Variants in DDX60L observed in about 807,000 individuals in gnomAD.
The protein encoded by DDX60L is probable ATP-dependent RNA helicase DDX60-like.
DDX60L carries 191 observed loss-of-function variants against 211.6 expected under a neutral mutation model. The ratio of observed to expected loss-of-function variants is 0.90; its 90% CI spans 0.80 to 1.02. DDX60L has a LOEUF of 1.02. Among genes scored for constraint, DDX60L ranks in the 50% least tolerant of loss-of-function variants. The pLI is 0.00. For missense variants in DDX60L, 2,007 were observed against 1,984.1 expected, an observed-to-expected ratio of 1.01 and a Z score of -0.22; for synonymous variants, 706 against 694.1, an observed-to-expected ratio of 1.02 and a Z score of -0.27.
At chr4:168,380,642 T>G (rs144685729) in intron 30 of DDX60L, 19 of 152,304 alleles carry the variant, frequency 1.2e-4, no homozygotes, top group African/African-American at 4.3e-4. Context: ...AGCGTGAGAA[T>G]GAACTAATAC....
chr4:168,462,066 C>T (rs1454595779), intron 4 of DDX60L, 26 bp from the exon 5 acceptor site: 1 of 1,475,214 alleles, frequency 6.8e-7, no homozygotes, highest in Non-Finnish European at 9.3e-7. Flanking sequence ...GAAACAAGCA[C>T]ATCATTTTCA....
intron 10 of DDX60L, among the ~76,000 whole-genome samples, chr4:168,439,650 A>C (rs1239739251): frequency 6.6e-6 from 1 of 152,236 alleles, no homozygotes; most frequent in Non-Finnish European, 1.5e-5. Context: ...ATTATTAAAA[A>C]TCAACAAGCC....
chr4:168,387,521 T>C (rs1744111133), intron 29 of DDX60L, among the ~76,000 whole-genome samples: 1 of 152,252 alleles, frequency 6.6e-6, no homozygotes, highest in Non-Finnish European at 1.5e-5. Flanking sequence ...CAGCAAAGGC[T>C]GAGTTTCTCC....
At position 168,406,705 on chromosome 4, in the gene DDX60L, A is replaced by G; in HGVS notation, c.2981T>C (p.Ile994Thr). 1.3e-6 allele frequency: 2 copies of G among 1,573,770 alleles called. No homozygotes were observed. Among genetic ancestry groups the G allele is most frequent in the Non-Finnish European group, 8.6e-7 (1 of 1,157,654 alleles). ...ATCAGGTGGGAATCCATACTTTTCAATCTGTGAATAAACAAATTAATGGAT... is the reference window on the plus strand; with the variant it reads ...ATCAGGTGGGAATCCATACTTTTCAGTCTGTGAATAAACAAATTAATGGAT... The part of the protein sequence containing the change: ...HPCAALTTDI[I>T]EKYGFPPDLT... The change falls in exon 23 of 38, where the codon ATT becomes ACT. Residue 994 changes from isoleucine (I) to threonine (T), a missense_variant and splice_region_variant. Physicochemically the swap from Ile to Thr is moderately conservative, Grantham distance 89. Coordinates refer to ENST00000682922, the MANE Select transcript of DDX60L (RefSeq NM_001012967.3).
intron 11 of DDX60L, 90 bp downstream of exon 11, chr4:168,432,920 A>T: frequency 1.4e-6 from 1 of 740,726 alleles, no homozygotes; most frequent in Non-Finnish European, 2.2e-6. Context: ...TCCTGATATG[A>T]TATATTACAT....
At chr4:168,453,566 T>G (rs565231630) in intron 7 of DDX60L, among the ~76,000 whole-genome samples, 1 of 152,184 alleles carries the variant, frequency 6.6e-6, no homozygotes, top group East Asian at 1.9e-4. Flanking sequence ...GGTCTGAGGA[T>G]TGACAGAGCC....
At chr4:168,457,766 G>C in intron 6 of DDX60L, 126 bp downstream of exon 6, 1 of 484,504 alleles carries the variant, frequency 2.1e-6, no homozygotes. Flanking sequence ...GATTCAGATA[G>C]TATACATGTA....
Position 168,471,727 on chromosome 4 carries a change from C to T in DDX60L, c.264+20G>A, listed in dbSNP as rs1339472022. 1 of 1,567,492 alleles carries T rather than the reference C, an allele frequency of 6.4e-7. No homozygotes were observed. On this transcript the variant is annotated intron_variant, in intron 4 of 37. Transcript: ENST00000682922. ...TATAGTCTTCAAAGGACTAAAACGA[C>T]ATCAATCATCATATATTACCTTAAA...
chr4:168,390,298 T>C (rs1560970231), intron 29 of DDX60L: 18 of 1,126,120 alleles, frequency 1.6e-5, no homozygotes, highest in Middle Eastern at 3.7e-4. Flanking sequence ...AAGAGAAACT[T>C]TGCTCTCTAC....
In DDX60L at chr4:168,432,513, G is replaced by A; in HGVS notation, c.1458C>T (p.His486=). ...CACTAAGGAGTCTTTGAGCATGCCA[G>A]TGCAAAAGTTCATCAGATGTCTTTT... ...FKQKTSDELL[H]WHAQRLLSDD... is the part of the protein sequence containing the mutation. Residue 486 remains histidine (H), a synonymous_variant, in exon 12 of 38, where the codon CAC becomes CAT. Coordinates refer to ENST00000682922, the MANE Select transcript of DDX60L (RefSeq NM_001012967.3). The A allele has an allele frequency of 6.3e-7, 1 of 1,587,180 alleles. No homozygotes were observed. Among genetic ancestry groups the A allele is most frequent in the Non-Finnish European group, 8.6e-7 (1 of 1,164,530 alleles).
intron 13 of DDX60L, 141 bp from the exon 14 acceptor site, chr4:168,427,463 T>G (rs1751648610): frequency 5.3e-6 from 5 of 942,240 alleles, no homozygotes; most frequent in Non-Finnish European, 7.7e-6. Context: ...CTTAATGTCT[T>G]TTCTTAAAAT....
chr4:168,447,891 G>T (rs1385742983), intron 9 of DDX60L, among the ~76,000 whole-genome samples: 1 of 118,294 alleles, frequency 8.5e-6, no homozygotes, highest in African/African-American at 3.2e-5. Context: ...GGTGGGGGGA[G>T]GGGGGAGGGA....
Position 168,462,010 on chromosome 4 carries a change from CA to C in DDX60L, c.294del (p.Glu99AsnfsTer5). ...AAAGCGGTCCTCAATGAAAGAAGTT[CA>C]GGAAAATCAAAATATGCATATTCAG... ...KDAEYAYFDF[P>X]ELLSLRTALI... is the part of the protein sequence containing the mutation. On this transcript the variant is annotated frameshift_variant, in exon 5 of 38. Coordinates refer to ENST00000682922, the MANE Select transcript of DDX60L (RefSeq NM_001012967.3). LOFTEE classifies it high-confidence loss of function. 6.2e-7 allele frequency: 1 copy of C among 1,608,410 alleles called. No individual in the cohort carries two copies.
chr4:168,389,895 G>T (rs1244990198), intron 29 of DDX60L, among the ~76,000 whole-genome samples: 1 of 152,074 alleles, frequency 6.6e-6, no homozygotes, highest in Non-Finnish European at 1.5e-5. Flanking sequence ...ACATTTTCTG[G>T]TTCTCATTGT....
chr4:168,437,825 G>A (rs1159632761), intron 10 of DDX60L, among the ~76,000 whole-genome samples: 1 of 147,362 alleles, frequency 6.8e-6, no homozygotes, highest in Non-Finnish European at 1.5e-5. Flanking sequence ...CAGACTCCTG[G>A]TCTTCACTTA....
At chr4:168,425,665 G>A (rs1417530845) in intron 14 of DDX60L, among the ~76,000 whole-genome samples, 2 of 152,128 alleles carry the variant, frequency 1.3e-5, no homozygotes, top group Non-Finnish European at 2.9e-5. Flanking sequence ...AGGAGGCTAA[G>A]GCAGGAGAAT....
At chr4:168,461,250 C>A (rs944320577) in intron 5 of DDX60L, among the ~76,000 whole-genome samples, 6 of 152,158 alleles carry the variant, frequency 3.9e-5, no homozygotes, top group Non-Finnish European at 4.4e-5. Context: ...TGATCAAAAG[C>A]AGCTCCTTAC....
chr4:168,476,432 A>C (rs71620499), intron 1 of DDX60L, among the ~76,000 whole-genome samples: 1 of 152,228 alleles, frequency 6.6e-6, no homozygotes, highest in Non-Finnish European at 1.5e-5. Context: ...CTCTGAATGG[A>C]ATATGATGCC....
At chr4:168,439,208 A>G (rs752957939) in intron 10 of DDX60L, among the ~76,000 whole-genome samples, 14 of 152,206 alleles carry the variant, frequency 9.2e-5, no homozygotes, top group Non-Finnish European at 1.5e-5. Context: ...TCATCAGACT[A>G]TAGTTCCCTA....
Sources: allele counts gnomAD v4.1 joint callset (sites outside exome capture counted in the v4.1 genomes callset), GRCh38; gene constraint gnomAD v4.1.1; transcripts MANE v1.5; gene names NCBI Gene and HGNC (gene_info 2026-07-23, HGNC 2026-07-21).